The following CFAP77 variants were observed in gnomAD, a reference collection of about 807,000 sequenced individuals.
The protein encoded by CFAP77 is cilia and flagella associated protein 77.
Under a neutral mutation model 31.1 loss-of-function variants are expected in CFAP77, and 25 were observed. The ratio of observed to expected loss-of-function variants is 0.80; its 90% confidence interval spans 0.59 to 1.12. CFAP77 has a LOEUF of 1.12. Among genes scored for constraint, CFAP77 ranks in the 50% most tolerant of loss-of-function variants. The pLI is 0.00. For synonymous variants in CFAP77, 151 were observed against 159.9 expected, an observed-to-expected ratio of 0.94 and a Z score of 0.42; for missense variants, 377 against 397.3, an observed-to-expected ratio of 0.95 and a Z score of 0.44.
chr9:132,465,508 A>C (rs114148868), intron 1 of CFAP77, among the ~76,000 whole-genome samples: 2,505 of 152,300 alleles, frequency 0.016, 74 homozygotes, highest in African/African-American at 0.057. Flanking sequence ...CAAGGTGCAG[A>C]TCCCACGTGT....
chr9:132,476,782 A>T (rs1851352769), intron 1 of CFAP77, among the ~76,000 whole-genome samples: 1 of 152,100 alleles, frequency 6.6e-6, no homozygotes, highest in Admixed American at 6.6e-5. Context: ...GCCAGCAACC[A>T]CCAGCAGCCG....
chr9:132,502,265 ATTTTTT>A (rs571665067), intron 3 of CFAP77, among the ~76,000 whole-genome samples: 5 of 83,866 alleles, frequency 6.0e-5, no homozygotes, highest in African/African-American at 2.1e-4. Context: ...ATATATATAT[ATTTTTT>A]TTTTTTGGGG....
chr9:132,507,496 A>G (rs1387919750), intron 3 of CFAP77, among the ~76,000 whole-genome samples: 1 of 152,242 alleles, frequency 6.6e-6, no homozygotes, highest in Non-Finnish European at 1.5e-5. Context: ...TCCTGCTATC[A>G]GATGCATCAT....
intron 3 of CFAP77, among the ~76,000 whole-genome samples, chr9:132,506,433 A>T (rs1309938147): frequency 1.3e-5 from 2 of 152,102 alleles, no homozygotes; most frequent in African/African-American, 4.8e-5. Flanking sequence ...GTCGATTATG[A>T]TGAGTCAGGG....
intron 3 of CFAP77, among the ~76,000 whole-genome samples, chr9:132,530,950 G>A (rs1352702415): frequency 6.6e-6 from 1 of 152,130 alleles, no homozygotes; most frequent in Non-Finnish European, 1.5e-5. Context: ...TCTTGTATCA[G>A]GTGTGAGACT....
chr9:132,479,550 T>G (rs532714875), intron 1 of CFAP77, among the ~76,000 whole-genome samples: 17 of 152,330 alleles, frequency 1.1e-4, no homozygotes, highest in Non-Finnish European at 2.2e-4. Context: ...GCATTGAACC[T>G]GCTGATCCAA....
rs1469004540 is a variant in CFAP77 at position 132,499,407 on chromosome 9, A to T, written c.331A>T (p.Thr111Ser). 8 of 1,614,136 alleles carry T rather than the reference A, an allele frequency of 5.0e-6. No individual in the cohort carries two copies. Among genetic ancestry groups the T allele is most frequent in the Non-Finnish European group, 5.1e-6 (6 of 1,180,006 alleles). Residue 111 changes from threonine (T) to serine (S), a missense_variant, in exon 3 of 6, where the codon ACC (threonine) becomes TCC (serine). Thr to Ser is a moderately conservative substitution (Grantham distance 58). Transcript: ENST00000393216. The surrounding 1 kb of genome is among the most constrained non-coding windows in gnomAD (Gnocchi z 5.4). ...GRWNVFKQQP[T>S]CPHELTRNYI... ...CTGGAACGTGTTCAAGCAGCAGCCC[A>T]CCTGCCCCCACGAGCTGACCCGGAA...
intron 3 of CFAP77, among the ~76,000 whole-genome samples, chr9:132,529,483 T>C (rs991957426): frequency 8.4e-6 from 1 of 118,564 alleles, no homozygotes. Flanking sequence ...AATGTGCACA[T>C]GTACCCTAAA....
intron 1 of CFAP77, among the ~76,000 whole-genome samples, chr9:132,423,403 C>T (rs1019338131): frequency 6.6e-6 from 1 of 152,228 alleles, no homozygotes; most frequent in Non-Finnish European, 1.5e-5. Context: ...CTCCAGTTTG[C>T]CCACTGACAG....
chr9:132,561,604 TACACACACACACAC>T lies in CFAP77; in HGVS notation c.733-10739_733-10726del, dbSNP rs61039438. ...TTTCTTCTGGCCATTGAGGTGCATG[TACACACACACACAC>T]ACACACACACACACACACACACACA... is the stretch of plus-strand genomic sequence containing the variant. On this transcript the variant is annotated intron_variant, in intron 5 of 5. Transcript: ENST00000393216. 2.0e-3 allele frequency among the ~76,000 whole-genome samples: 221 copies of T among 111,578 alleles called. 3 individuals are homozygous for T. In the East Asian group the frequency reaches 0.024, roughly 12 times the overall value. The allele number at this position is 111,578 out of a possible 152,430, so 73.2% of individuals were successfully genotyped here.
At chr9:132,557,137 G>A (rs1003491568) in intron 5 of CFAP77, among the ~76,000 whole-genome samples, 6 of 152,212 alleles carry the variant, frequency 3.9e-5, no homozygotes, top group African/African-American at 1.4e-4. Context: ...GTGTGTGTGT[G>A]CAGGGTGTGT....
rs755653231 is a variant in CFAP77, at chr9:132,498,671, T to C, written c.196-24T>C. 1 of 1,576,558 alleles carries C rather than the reference T, an allele frequency of 6.3e-7. No homozygotes were observed. Among genetic ancestry groups the C allele is most frequent in the South Asian group, 1.1e-5 (1 of 88,534 alleles). On this transcript the variant is annotated intron_variant, in intron 1 of 5. Transcript: ENST00000393216. This position sits in a 1 kb window ranked among gnomAD's most constrained non-coding sequence, Gnocchi z 4.2. ...GGTCTGAGACTCCACTCCTCACCTC[T>C]GCTCTCTGTCCTTCCCCCGACAGGC... is the stretch of plus-strand genomic sequence containing the variant.
chr9:132,488,879 G>A (rs1171317342), intron 1 of CFAP77, among the ~76,000 whole-genome samples: 8 of 152,194 alleles, frequency 5.3e-5, no homozygotes, highest in Non-Finnish European at 2.9e-5. Flanking sequence ...TTTAATTAGA[G>A]CTGAGAGATG....
chr9:132,442,986 A>G (rs1018607630), intron 1 of CFAP77, among the ~76,000 whole-genome samples: 1 of 150,926 alleles, frequency 6.6e-6, no homozygotes, highest in African/African-American at 2.4e-5. Flanking sequence ...CCCTCTGCCA[A>G]CCCCTGCTAA....
rs1108373 is a variant in CFAP77, at chr9:132,497,777, T to C, written c.196-918T>C. ...GGGAAGGCCAGGGAGCCCCAAACAT[T>C]GTGCCTGGGATGCAGTCCGAACCCA... On this transcript the variant is annotated intron_variant, in intron 1 of 5. Transcript: ENST00000393216. The surrounding 1 kb of genome is among the most constrained non-coding windows in gnomAD (Gnocchi z 4.9). Among the ~76,000 whole-genome samples, 17,890 of 152,092 alleles carry C rather than the reference T, an allele frequency of 0.12. 1,391 individuals carry two copies. Among genetic ancestry groups the C allele is most frequent in the African/African-American group, 0.22 (9,303 of 41,460 alleles).
At chr9:132,422,441 C>G (rs1339235207) in intron 1 of CFAP77, among the ~76,000 whole-genome samples, 1 of 152,196 alleles carries the variant, frequency 6.6e-6, no homozygotes, top group African/African-American at 2.4e-5. Flanking sequence ...ACCACGGATG[C>G]TATGTTTTAG....
chr9:132,482,267 A>AAACTG (rs768588643), intron 1 of CFAP77: 1 of 1,464,442 alleles, frequency 6.8e-7, no homozygotes, highest in Admixed American at 1.7e-5. Flanking sequence ...CTTGACAGCT[A>AAACTG]AACTGACCAA....
chr9:132,542,133 A>G (rs1852653894), intron 4 of CFAP77, among the ~76,000 whole-genome samples: 1 of 152,214 alleles, frequency 6.6e-6, no homozygotes, highest in African/African-American at 2.4e-5. Context: ...TGATGGCCTC[A>G]GGGCTACTCC....
chr9:132,548,617 G>A (rs1357646699), intron 5 of CFAP77, among the ~76,000 whole-genome samples: 1 of 151,704 alleles, frequency 6.6e-6, no homozygotes, highest in African/African-American at 2.4e-5. Context: ...TAAAATCTAT[G>A]TTATAATTAG....
Sources: allele counts gnomAD v4.1 joint callset (sites outside exome capture counted in the v4.1 genomes callset), GRCh38; gene constraint gnomAD v4.1.1; non-coding constraint Gnocchi (gnomAD v3.1); transcripts MANE v1.5; gene names NCBI Gene and HGNC (gene_info 2026-07-23, HGNC 2026-07-21).